The following CASP8 variants were observed in gnomAD, a reference collection of about 807,000 sequenced individuals.
CASP8 encodes the protein caspase-8.
CASP8 carries 24 observed loss-of-function variants against 46.3 expected under a neutral mutation model. The ratio of observed to expected loss-of-function variants is 0.52; its 90% confidence interval spans 0.38 to 0.73. CASP8 has a LOEUF of 0.73. Ranked by LOEUF, CASP8 falls within the 30% of genes least tolerant of loss-of-function variation. CASP8 has a pLI of 0.00. For synonymous variants in CASP8, 188 were observed against 200.4 expected, an observed-to-expected ratio of 0.94 and a Z score of 0.52; for missense variants, 460 against 559.0, an observed-to-expected ratio of 0.82 and a Z score of 1.79.
At chr2:201,245,355 C>T (rs903936612) in intron 2 of CASP8, among the ~76,000 whole-genome samples, 5 of 152,196 alleles carry the variant, frequency 3.3e-5, no homozygotes, top group African/African-American at 1.2e-4. Context: ...ATTCTTATGC[C>T]TCAGCCTCCC....
At chr2:201,283,654 C>A (rs1242945982) in intron 7 of CASP8, among the ~76,000 whole-genome samples, 3 of 88,312 alleles carry the variant, frequency 3.4e-5, no homozygotes, top group African/African-American at 1.1e-4. Context: ...CGGGCAGAGG[C>A]GCCCCTCACC....
chr2:201,274,334 T>C (rs1576337362), intron 5 of CASP8, among the ~76,000 whole-genome samples: 1 of 152,374 alleles, frequency 6.6e-6, no homozygotes, highest in African/African-American at 2.4e-5. Context: ...TATAAAATTA[T>C]GGCATTTCTT....
chr2:201,262,354 A>T (rs1947479849), intron 1 of CASP8: 1 of 151,660 alleles, frequency 6.6e-6, no homozygotes, highest in African/African-American at 2.4e-5. Flanking sequence ...TTTATATATC[A>T]TTTATTTATA....
intron 2 of CASP8, among the ~76,000 whole-genome samples, chr2:201,248,653 C>A (rs1946640209): frequency 6.6e-6 from 1 of 152,168 alleles, no homozygotes; most frequent in Non-Finnish European, 1.5e-5. Context: ...CTGCCACACC[C>A]CTTTTTCACT....
At chr2:201,268,003 T>C (rs1308602478) in intron 2 of CASP8, among the ~76,000 whole-genome samples, 1 of 152,206 alleles carries the variant, frequency 6.6e-6, no homozygotes, top group African/African-American at 2.4e-5. Flanking sequence ...CTCGGCTCAC[T>C]GCAACATCTA....
At chr2:201,235,337 T>C (rs1260636439) in intron 2 of CASP8, among the ~76,000 whole-genome samples, 1 of 152,196 alleles carries the variant, frequency 6.6e-6, no homozygotes, top group Non-Finnish European at 1.5e-5. Flanking sequence ...GTTTTTCTTT[T>C]ATTATAGAAA....
chr2:201,234,760 AT>A (rs1945976818), intron 2 of CASP8, among the ~76,000 whole-genome samples: 1 of 152,044 alleles, frequency 6.6e-6, no homozygotes, highest in African/African-American at 2.4e-5. Flanking sequence ...CACCCGGCTG[AT>A]TTCACATTTT....
chr2:201,237,051 T>C (rs759726091), intron 2 of CASP8, among the ~76,000 whole-genome samples: 5 of 151,916 alleles, frequency 3.3e-5, no homozygotes, highest in African/African-American at 4.8e-5. Flanking sequence ...AGTGCGTCTG[T>C]GTTTGTTCCT....
intron 2 of CASP8, among the ~76,000 whole-genome samples, chr2:201,247,748 G>T (rs10931933): frequency 0.53 from 80,002 of 151,494 alleles, 21,667 homozygotes; most frequent in Non-Finnish European, 0.6. Context: ...GGGTTCAAGG[G>T]ATTCTCCTGC....
At chr2:201,253,742 G>A (rs759463374) in intron 2 of CASP8, among the ~76,000 whole-genome samples, 4 of 152,092 alleles carry the variant, frequency 2.6e-5, no homozygotes, top group Non-Finnish European at 4.4e-5. Context: ...GGCATATAGT[G>A]CCTCAAGAAT....
At chr2:201,238,783 T>A (rs1946167150) in intron 2 of CASP8, among the ~76,000 whole-genome samples, 1 of 151,552 alleles carries the variant, frequency 6.6e-6, no homozygotes, top group Non-Finnish European at 1.5e-5. Flanking sequence ...TTATTTATTT[T>A]TTAATTGATC....
At chr2:201,284,614 C>T (rs1222019233) in intron 7 of CASP8, among the ~76,000 whole-genome samples, 1 of 21,692 alleles carries the variant, frequency 4.6e-5, no homozygotes, top group Non-Finnish European at 1.2e-4. Flanking sequence ...TGCAGTGAGC[C>T]GAGATGGCAG....
At chr2:201,258,319 C>A, upstream of CASP8, 1 of 1,614,122 alleles carries the variant, frequency 6.2e-7, no homozygotes, top group Non-Finnish European at 8.5e-7. Flanking sequence ...CCCTGCTGAG[C>A]ACGTGGAGTT....
At chr2:201,270,393 A>G (rs989904518) in intron 2 of CASP8, among the ~76,000 whole-genome samples, 1 of 152,214 alleles carries the variant, frequency 6.6e-6, no homozygotes, top group Non-Finnish European at 1.5e-5. Flanking sequence ...AATGTGTAAC[A>G]TGTCTAAAGT....
chr2:201,249,730 G>GA (rs893733786), intron 2 of CASP8, among the ~76,000 whole-genome samples: 4 of 151,026 alleles, frequency 2.6e-5, no homozygotes, highest in Non-Finnish European at 4.4e-5. Flanking sequence ...GTCTCAGAAA[G>GA]AAAAAAAAAG....
intron 2 of CASP8, chr2:201,269,613 C>T: frequency 6.2e-7 from 1 of 1,600,160 alleles, no homozygotes; most frequent in East Asian, 2.2e-5. Flanking sequence ...AAGGCAGGAT[C>T]TCTCTTAAAA....
rs1947848533 is a variant in CASP8 at position 201,266,695 on chromosome 2, A to G, written c.209A>G (p.Asn70Ser). 6.2e-7 allele frequency: 1 copy of G among 1,614,050 alleles called. No individual in the cohort carries two copies. The highest frequency in any genetic ancestry group is 8.5e-7 in the Non-Finnish European group (1 of 1,180,000). ...CTGAAGGAGCTGCTCTTCCGAATTA[A>G]TAGACTGGATTTGCTGATTACCTAC... Reference protein sequence around the residue: ...SFLKELLFRINRLDLLITYLN... With the variant: ...SFLKELLFRISRLDLLITYLN... The change falls in exon 2 of 9, where the codon AAT becomes AGT. Residue 70 changes from asparagine (N) to serine (S), a missense_variant. Transcript: ENST00000673742. This position sits in a 1 kb window ranked among gnomAD's most constrained non-coding sequence, Gnocchi z 5.7.
At chr2:201,257,436 C>T (rs1003642503), upstream of CASP8, among the ~76,000 whole-genome samples, 5 of 146,126 alleles carry the variant, frequency 3.4e-5, no homozygotes, top group Non-Finnish European at 7.4e-5. Context: ...GAGTCAAGAT[C>T]GCACCACTGT....
rs777463099 is a variant in CASP8 at position 201,286,462 on chromosome 2, C to T, written c.1308C>T (p.Gly436=). Residue 436 remains glycine, a synonymous_variant, in exon 9 of 9, where the codon GGC becomes GGT. Coordinates refer to ENST00000673742, the MANE Select transcript of CASP8 (RefSeq NM_001372051.1). ...AATATTATGTGATGTATTTCAGAGG[C>T]GATGATATTCTCACCATCCTGACTG... ...CQSLRERCPR[G]DDILTILTEV... 1.9e-5 allele frequency: 31 copies of T among 1,611,570 alleles called. No individual in the cohort carries two copies. The East Asian group carries it at 2.7e-4, about 14-fold the overall frequency.
Sources: gnomAD v4.1 joint callset for allele counts (sites outside exome capture counted in the v4.1 genomes callset) on GRCh38, gnomAD v4.1.1 for gene constraint, Gnocchi (gnomAD v3.1) non-coding constraint, MANE v1.5 for transcripts, NCBI Gene and HGNC (gene_info 2026-07-23, HGNC 2026-07-21) for gene names.